The following SRRM4 variants were observed in gnomAD, a reference collection of about 807,000 sequenced individuals.
SRRM4 encodes the protein serine/arginine repetitive matrix protein 4.
Under a neutral mutation model 68.9 loss-of-function variants are expected in SRRM4, and 33 were observed. The observed-to-expected ratio is 0.48, with a 90% CI of 0.36 to 0.64. The LOEUF is 0.64. SRRM4 is among the 30% of genes least tolerant of loss of function. SRRM4 has a pLI of 0.00. For missense variants in SRRM4, 817 were observed against 827.1 expected (o/e 0.99, Z 0.15); for synonymous variants, 318 against 318.8 (o/e 1.00, Z 0.03).
At chr12:119,008,243 A>T (rs930572140) in intron 1 of SRRM4, among the ~76,000 whole-genome samples, 1 of 152,060 alleles carries the variant, frequency 6.6e-6, no homozygotes, top group Admixed American at 6.5e-5. Context: ...TACAAAAATT[A>T]GCCAGGTGTG....
chr12:118,982,040 G>A (rs767647632), intron 1 of SRRM4, 27 bp downstream of exon 1: 9 of 1,591,856 alleles, frequency 5.7e-6, no homozygotes, highest in African/African-American at 2.7e-5. Flanking sequence ...TAGAAGGGGG[G>A]ATCCTGAAGG....
At chr12:119,018,913 C>G (rs1237025610) in intron 1 of SRRM4, among the ~76,000 whole-genome samples, 1 of 152,150 alleles carries the variant, frequency 6.6e-6, no homozygotes, top group Non-Finnish European at 1.5e-5. Flanking sequence ...AATCACTCAC[C>G]CCCAGGAGTG....
At chr12:119,125,538 C>T (rs1421925616) in intron 7 of SRRM4, 59 bp downstream of exon 7, 6 of 1,457,716 alleles carry the variant, frequency 4.1e-6, no homozygotes, top group African/African-American at 1.4e-5. Context: ...GGCTAAGACA[C>T]TGTTAACACT....
chr12:119,019,161 C>T (rs74929701), intron 1 of SRRM4, among the ~76,000 whole-genome samples: 9 of 152,258 alleles, frequency 5.9e-5, no homozygotes, highest in African/African-American at 2.2e-4. Context: ...GATCGGTAAA[C>T]GTGATGTGTA....
intron 1 of SRRM4, among the ~76,000 whole-genome samples, chr12:119,019,698 T>C (rs1953502659): frequency 6.6e-6 from 1 of 152,182 alleles, no homozygotes; most frequent in African/African-American, 2.4e-5. Context: ...GGGATTAAAC[T>C]GCTTCTCTAA....
At chr12:118,993,254 T>A (rs913198150) in intron 1 of SRRM4, among the ~76,000 whole-genome samples, 1 of 152,108 alleles carries the variant, frequency 6.6e-6, no homozygotes, top group Non-Finnish European at 1.5e-5. Flanking sequence ...CAGGCAAGGG[T>A]GGGAATGGTG....
chr12:119,122,186 G>C, intron 6 of SRRM4, 66 bp downstream of exon 6: 1 of 1,159,710 alleles, frequency 8.6e-7, no homozygotes, highest in Non-Finnish European at 1.3e-6. Flanking sequence ...CTTCTTAAAA[G>C]CCAGAGTCTT....
chr12:119,044,432 C>T (rs554099681), intron 1 of SRRM4, among the ~76,000 whole-genome samples: 81 of 152,280 alleles, frequency 5.3e-4, no homozygotes, highest in Non-Finnish European at 1.0e-3. Context: ...AGCTAATCCT[C>T]TTCCTTTCAC....
At chr12:119,115,801 A>G (rs1472619537) in intron 3 of SRRM4, among the ~76,000 whole-genome samples, 1 of 152,200 alleles carries the variant, frequency 6.6e-6, no homozygotes, top group Non-Finnish European at 1.5e-5. Context: ...AAATGTTATG[A>G]TTCCTTGAAG....
At chr12:119,060,825 C>T (rs191623340) in intron 1 of SRRM4, among the ~76,000 whole-genome samples, 13 of 152,212 alleles carry the variant, frequency 8.5e-5, no homozygotes, top group South Asian at 6.2e-4. Flanking sequence ...AGCTCACGCC[C>T]GCTCTTATCA....
At chr12:119,027,935 CCG>C (rs761484857) in intron 1 of SRRM4, among the ~76,000 whole-genome samples, 14 of 152,166 alleles carry the variant, frequency 9.2e-5, no homozygotes, top group Non-Finnish European at 1.6e-4. Context: ...CAGCATCAAC[CCG>C]AGTGGAGTAT....
intron 1 of SRRM4, among the ~76,000 whole-genome samples, chr12:118,982,588 T>C (rs1481595582): frequency 1.3e-5 from 2 of 151,256 alleles, no homozygotes; most frequent in African/African-American, 2.4e-5. Context: ...CTCTCCAGCA[T>C]CCAAAACCAA....
chr12:119,086,271 T>C (rs1210751378), intron 1 of SRRM4, among the ~76,000 whole-genome samples: 1 of 152,120 alleles, frequency 6.6e-6, no homozygotes, highest in African/African-American at 2.4e-5. Context: ...CAAGTAAAAA[T>C]ATGGCTATGA....
intron 9 of SRRM4, among the ~76,000 whole-genome samples, chr12:119,150,103 T>C (rs1019103318): frequency 2.0e-5 from 3 of 152,188 alleles, no homozygotes; most frequent in Non-Finnish European, 4.4e-5. Flanking sequence ...GATATTCCTG[T>C]TTACTTTAAT....
At position 119,122,073 on chromosome 12, in the gene SRRM4, C is replaced by G. The variant is rs1360226787; in HGVS notation, c.468C>G (p.Ser156=). ...TAATTGACCATTTCTTGTTTAGCTC[C>G]TCTAGCCCAAAAAGCAAAAGAAGAG... ...RSFSKKRRHS[S]SSPKSKRRDE... Residue 156 remains serine, a synonymous_variant, in exon 6 of 13, where the codon TCC becomes TCG. Transcript: ENST00000267260. 1.9e-6 allele frequency: 3 copies of G among 1,608,480 alleles called. No individual in the cohort carries two copies. Among genetic ancestry groups the G allele is most frequent in the East Asian group, 2.2e-5 (1 of 44,834 alleles).
chr12:119,138,086 C>A (rs7306368), intron 8 of SRRM4, among the ~76,000 whole-genome samples: 78,836 of 151,776 alleles, frequency 0.52, 20,858 homozygotes, highest in East Asian at 0.77. Flanking sequence ...GTTTGGGGTC[C>A]GGAGAGCTCA....
chr12:118,983,361 G>T (rs1004443965), intron 1 of SRRM4, among the ~76,000 whole-genome samples: 5 of 152,340 alleles, frequency 3.3e-5, no homozygotes, highest in Non-Finnish European at 7.3e-5. Context: ...GCCAGTGTTT[G>T]CAGACGGGAA....
At chr12:119,090,893 G>T (rs563634241) in intron 1 of SRRM4, among the ~76,000 whole-genome samples, 1 of 152,290 alleles carries the variant, frequency 6.6e-6, no homozygotes, top group Non-Finnish European at 1.5e-5. Context: ...AGACCCCTCT[G>T]GTGGCCCCAA....
chr12:119,066,145 G>A (rs140122125), intron 1 of SRRM4, among the ~76,000 whole-genome samples: 4 of 152,226 alleles, frequency 2.6e-5, no homozygotes, highest in South Asian at 4.1e-4. Flanking sequence ...TTTAGTCTCA[G>A]TCCTAATGTG....
Sources: allele counts gnomAD v4.1 joint callset (sites outside exome capture counted in the v4.1 genomes callset), GRCh38; gene constraint gnomAD v4.1.1; transcripts MANE v1.5; gene names NCBI Gene and HGNC (gene_info 2026-07-23, HGNC 2026-07-21).